Variants in MYCBP2 observed in about 807,000 individuals in gnomAD.
The protein encoded by MYCBP2 is E3 ubiquitin-protein ligase MYCBP2.
In MYCBP2, 120 loss-of-function variants were observed where a neutral mutation model predicts 525.3. The ratio of observed to expected loss-of-function variants is 0.23; its 90% CI spans 0.20 to 0.27. The LOEUF (loss-of-function observed/expected upper bound fraction) is 0.27, where lower values mean the gene tolerates loss of function less well. Ranked by LOEUF, MYCBP2 falls within the 10% of genes least tolerant of loss-of-function variation. MYCBP2 has a pLI of 1.00. For synonymous variants in MYCBP2, 1,894 were observed against 1,955.8 expected, an observed-to-expected ratio of 0.97 and a Z score of 0.83; for missense variants, 4,149 against 5,657.1, an observed-to-expected ratio of 0.73 and a Z score of 8.55.
At chr13:77,146,238 T>G (rs1432087296) in intron 47 of MYCBP2, 21 bp from the exon 48 acceptor site, 1 of 1,524,218 alleles carries the variant, frequency 6.6e-7, no homozygotes, top group Admixed American at 2.0e-5. Flanking sequence ...GAGACCAGTC[T>G]GAACAATCGT....
At chr13:77,277,774 TTGAGAACCACATAA>T (rs757122006) in intron 4 of MYCBP2, among the ~76,000 whole-genome samples, 18 of 152,196 alleles carry the variant, frequency 1.2e-4, no homozygotes, top group Non-Finnish European at 2.1e-4. Context: ...CTAATGAGAA[TTGAGAACCACATAA>T]TGAGAACCAC....
At chr13:77,239,508 T>A (rs1437851496) in intron 17 of MYCBP2, among the ~76,000 whole-genome samples, 1 of 152,116 alleles carries the variant, frequency 6.6e-6, no homozygotes, top group African/African-American at 2.4e-5. Context: ...ACCCATAAAT[T>A]CTGATTCATT....
intron 61 of MYCBP2, 115 bp downstream of exon 61, chr13:77,088,717 C>T (rs539216655): frequency 1.1e-5 from 9 of 819,058 alleles, no homozygotes; most frequent in Non-Finnish European, 1.5e-5. Context: ...TTTTAATTGG[C>T]TAATGCCTTT....
chr13:77,064,896 G>A (rs908799600), intron 72 of MYCBP2, among the ~76,000 whole-genome samples, 162 bp from the exon 73 acceptor site: 7 of 152,006 alleles, frequency 4.6e-5, no homozygotes, highest in African/African-American at 1.2e-4. Flanking sequence ...AAATTTCTTC[G>A]TGATCCTATG....
Position 77,064,475 on chromosome 13 carries a change from C to T in MYCBP2, c.12672+140G>A, listed in dbSNP as rs2039876066. 1.5e-5 allele frequency: 15 copies of T among 974,470 alleles called. No homozygotes were observed. The South Asian group carries it at 2.6e-4, about 17-fold the overall frequency. 60.4% of individuals were successfully genotyped at this position (974,470 alleles called of 1,614,324 possible). A position where few individuals can be genotyped will look rare whatever the true frequency, so the allele number is the denominator to read the frequency against. On this transcript the variant is annotated intron_variant, in intron 73 of 82. Transcript: ENST00000544440. ...GTTCATAATATAAAAGCCCTTTATACTTTTTCAATAAATACGGTATTTGGT... is the reference window on the plus strand; with the variant it reads ...GTTCATAATATAAAAGCCCTTTATATTTTTTCAATAAATACGGTATTTGGT...
chr13:77,177,954 C>T lies in MYCBP2; in HGVS notation c.5134G>A (p.Val1712Ile). The T allele has an allele frequency of 6.3e-7, 1 of 1,589,726 alleles. No individual in the cohort carries two copies. Among genetic ancestry groups the T allele is most frequent in the Middle Eastern group, 1.7e-4 (1 of 6,024 alleles). The change falls in exon 35 of 83, where the codon GTT becomes ATT. Residue 1712 changes from valine (V) to isoleucine (I), a missense_variant and splice_region_variant. Around this residue, in one of 21 missense-constraint regions of MYCBP2, gnomAD observed 54 missense variants for 117.0 expected, o/e 0.46. Coordinates refer to ENST00000544440, the MANE Select transcript of MYCBP2 (RefSeq NM_015057.5). ...ELTASALGSEVDGLNSLHSVK... is the reference protein window; with the variant it reads ...ELTASALGSEIDGLNSLHSVK... ...GAGTGAAGAGAATTAAGTCCATCAA[C>T]CTGTGAACAATAAAAGCAATTGTAT... is the stretch of plus-strand genomic sequence containing the variant.
At position 77,067,742 on chromosome 13, in the gene MYCBP2, T is replaced by A; in HGVS notation, c.12294A>T (p.Gly4098=). 5 of 1,614,108 alleles carry A rather than the reference T, an allele frequency of 3.1e-6. No homozygotes were observed. The highest frequency in any genetic ancestry group is 4.2e-6 in the Non-Finnish European group (5 of 1,180,020). The stretch of plus-strand genomic sequence containing the variant: ...CCAAGATACCCAGCTTATTCCAGTC[T>A]CCTTTCTCTGTTGAGTGAATGATAT... ...ISDIIHSTEK[G]DWNKLGILDM... is the part of the protein sequence containing the mutation. The change falls in exon 71 of 83, where the codon GGA becomes GGT. Residue 4098 remains glycine, a synonymous_variant. Coordinates refer to ENST00000544440, the MANE Select transcript of MYCBP2 (RefSeq NM_015057.5).
intron 14 of MYCBP2, among the ~76,000 whole-genome samples, chr13:77,255,366 T>G (rs976414031): frequency 1.3e-5 from 2 of 151,954 alleles, no homozygotes; most frequent in African/African-American, 4.8e-5. Context: ...TAGGTATGAT[T>G]CTTATTAAAA....
intron 37 of MYCBP2, among the ~76,000 whole-genome samples, chr13:77,172,350 G>A (rs2059227153): frequency 6.6e-6 from 1 of 152,188 alleles, no homozygotes; most frequent in African/African-American, 2.4e-5. Context: ...TGGGTGGGAA[G>A]GGAAACAAGA....
At chr13:77,055,504 A>G (rs2037775695) in intron 80 of MYCBP2, 54 bp downstream of exon 80, 2 of 1,427,208 alleles carry the variant, frequency 1.4e-6, no homozygotes, top group East Asian at 2.3e-5. Flanking sequence ...TGAATTCTTA[A>G]TCATATAGGT....
chr13:77,199,898 C>G (rs1372556948), intron 26 of MYCBP2, among the ~76,000 whole-genome samples: 1 of 152,148 alleles, frequency 6.6e-6, no homozygotes, highest in African/African-American at 2.4e-5. Context: ...CTGTACATCA[C>G]CATCATCAAA....
chr13:77,278,349 G>T (rs536014108), intron 4 of MYCBP2, among the ~76,000 whole-genome samples: 5 of 152,048 alleles, frequency 3.3e-5, no homozygotes, highest in Non-Finnish European at 5.9e-5. Flanking sequence ...TTTGCCCCCC[G>T]CTTCATCATA....
chr13:77,272,961 GA>G (rs1054910636), intron 5 of MYCBP2, among the ~76,000 whole-genome samples: 3 of 152,150 alleles, frequency 2.0e-5, no homozygotes, highest in African/African-American at 7.2e-5. Flanking sequence ...CTAAAATGGT[GA>G]TGAGCTTGTT....
intron 45 of MYCBP2, 81 bp from the exon 46 acceptor site, chr13:77,156,283 T>A: frequency 7.5e-7 from 1 of 1,327,212 alleles, no homozygotes. Flanking sequence ...TTAAGCCAAA[T>A]GAACAAAACT....
At chr13:77,084,817 T>G (rs891013146) in intron 62 of MYCBP2, among the ~76,000 whole-genome samples, 1 of 152,046 alleles carries the variant, frequency 6.6e-6, no homozygotes, top group Non-Finnish European at 1.5e-5. Context: ...TAGGGATATT[T>G]TTATGCAAAA....
intron 46 of MYCBP2, among the ~76,000 whole-genome samples, chr13:77,154,183 T>C (rs749940951): frequency 1.1e-4 from 17 of 152,174 alleles, no homozygotes; most frequent in Non-Finnish European, 2.4e-4. Context: ...ATGATATTAA[T>C]ACATTAAACA....
chr13:77,173,957 C>G (rs896514274), intron 37 of MYCBP2, among the ~76,000 whole-genome samples: 1 of 152,176 alleles, frequency 6.6e-6, no homozygotes, highest in African/African-American at 2.4e-5. Flanking sequence ...TGAGTACAGT[C>G]TATCTGATCA....
intron 26 of MYCBP2, among the ~76,000 whole-genome samples, chr13:77,203,136 C>T (rs1371288188): frequency 2.0e-5 from 3 of 152,098 alleles, no homozygotes; most frequent in African/African-American, 7.2e-5. Flanking sequence ...GATTGTATAT[C>T]TAGAAAACCC....
In MYCBP2 at chr13:77,185,786, A is replaced by G. The variant is rs2060660566; in HGVS notation, c.4444+85T>C. 3.9e-6 allele frequency: 4 copies of G among 1,025,994 alleles called. No homozygotes were observed. The East Asian group carries it at 1.1e-4, about 28-fold the overall frequency. The allele number at this position is 1,025,994 out of a possible 1,614,324, so 63.6% of individuals were successfully genotyped here. On this transcript the variant is annotated intron_variant, in intron 31 of 82. Transcript: ENST00000544440. ...AGCAGCTTAAATGCAGCTGGGGGGC[A>G]TAAACTCTCAGTTATCTCAAAGTAA...
Sources: gnomAD v4.1 joint callset for allele counts (sites outside exome capture counted in the v4.1 genomes callset) on GRCh38, gnomAD v4.1.1 for gene constraint, gnomAD v4.1.1 regional missense constraint, MANE v1.5 for transcripts, NCBI Gene and HGNC (gene_info 2026-07-23, HGNC 2026-07-21) for gene names.